Variants in SCAI observed in about 807,000 individuals in gnomAD.
The protein encoded by SCAI is suppressor of cancer cell invasion.
A neutral mutation model predicts 92.2 loss-of-function variants in SCAI; 24 were observed. The ratio of observed to expected loss-of-function variants is 0.26; its 90% CI spans 0.19 to 0.37. The LOEUF is 0.37. Ranked by LOEUF, SCAI falls within the 10% of genes least tolerant of loss-of-function variation. The pLI, the probability that SCAI is intolerant of heterozygous loss-of-function variation, is 1.00. For missense variants in SCAI, 450 were observed against 736.2 expected (o/e 0.61, Z 4.50); for synonymous variants, 261 against 258.6 (o/e 1.01, Z -0.09).
At chr9:124,965,816 T>C (rs926694116) in intron 17 of SCAI, among the ~76,000 whole-genome samples, 2 of 152,232 alleles carry the variant, frequency 1.3e-5, no homozygotes, top group Admixed American at 6.5e-5. Context: ...TTGGGAGCAC[T>C]TGAAGCATCA....
At chr9:125,013,678 A>C (rs886596507) in intron 9 of SCAI, among the ~76,000 whole-genome samples, 2 of 152,202 alleles carry the variant, frequency 1.3e-5, no homozygotes, top group African/African-American at 4.8e-5. Flanking sequence ...AACTCATTTT[A>C]TGAGGCCAGC....
chr9:125,005,982 C>T (rs1056007265), intron 9 of SCAI, among the ~76,000 whole-genome samples: 3 of 152,098 alleles, frequency 2.0e-5, no homozygotes, highest in Non-Finnish European at 4.4e-5. Context: ...ATTTGCATGG[C>T]TGAAAAATCT....
At chr9:125,047,010 G>T (rs1833456893) in intron 3 of SCAI, among the ~76,000 whole-genome samples, 2 of 152,050 alleles carry the variant, frequency 1.3e-5, no homozygotes, top group Admixed American at 1.3e-4. Context: ...CCCAACACAG[G>T]CAGAACAAAC....
At chr9:125,044,810 C>G (rs1833401988) in intron 3 of SCAI, among the ~76,000 whole-genome samples, 1 of 152,158 alleles carries the variant, frequency 6.6e-6, no homozygotes, top group Non-Finnish European at 1.5e-5. Flanking sequence ...GCTTGTGGTT[C>G]CTGGCATCTC....
At chr9:124,982,517 A>C (rs1025292316) in intron 14 of SCAI, among the ~76,000 whole-genome samples, 4 of 151,688 alleles carry the variant, frequency 2.6e-5, no homozygotes, top group Non-Finnish European at 5.9e-5. Flanking sequence ...ACTAAAAATA[A>C]AAAAATAAAA....
intron 2 of SCAI, among the ~76,000 whole-genome samples, chr9:125,063,496 A>C (rs1833816552): frequency 6.6e-6 from 1 of 152,192 alleles, no homozygotes; most frequent in African/African-American, 2.4e-5. Flanking sequence ...ATTTTAATGA[A>C]CTAAGTAATA....
At chr9:124,992,445 A>G (rs10819020) in intron 14 of SCAI, among the ~76,000 whole-genome samples, 93,384 of 150,780 alleles carry the variant, frequency 0.62, 29,214 homozygotes, top group Admixed American at 0.66. Flanking sequence ...GTGCAATGGC[A>G]CGATCTTGGC....
chr9:125,007,946 C>T (rs201603731), intron 9 of SCAI, among the ~76,000 whole-genome samples: 5 of 151,332 alleles, frequency 3.3e-5, no homozygotes, highest in Admixed American at 6.6e-5. Context: ...CCCGGGTTCA[C>T]GCCATTCTCC....
intron 2 of SCAI, among the ~76,000 whole-genome samples, chr9:125,102,747 G>A (rs553639419): frequency 2.6e-5 from 4 of 152,138 alleles, no homozygotes; most frequent in East Asian, 1.9e-4. Context: ...ACAGGACCCC[G>A]CAACCATGCC....
chr9:124,991,613 C>T (rs1296981442), intron 14 of SCAI, among the ~76,000 whole-genome samples: 10 of 151,530 alleles, frequency 6.6e-5, no homozygotes, highest in South Asian at 2.1e-4. Context: ...CTGAGGTGGG[C>T]GGATCACGAG....
chr9:125,062,007 C>T (rs1298664830), intron 2 of SCAI, among the ~76,000 whole-genome samples: 3 of 151,934 alleles, frequency 2.0e-5, no homozygotes, highest in Non-Finnish European at 4.4e-5. Flanking sequence ...AAATGTTAGT[C>T]TATTAATTGA....
chr9:125,004,270 A>G (rs1832426169), intron 9 of SCAI, among the ~76,000 whole-genome samples: 1 of 151,342 alleles, frequency 6.6e-6, no homozygotes, highest in Admixed American at 6.6e-5. Context: ...ACGTGTAGGT[A>G]GTGTGCTATG....
Position 125,073,092 on chromosome 9 carries a change from A to ATTTTTTTTTTT in SCAI, c.99-17096_99-17086dup, listed in dbSNP as rs764858681. ...GGATCATATGAGGATTCTATTTTTA[A>ATTTTTTTTTTT]TTTTTTTTTTTTTTTTTTTTTTTTT... On this transcript the variant is annotated intron_variant, in intron 2 of 17. Coordinates refer to ENST00000336505, the MANE Select transcript of SCAI (RefSeq NM_001144877.3). Among the ~76,000 whole-genome samples, 111 of 72,478 alleles carry ATTTTTTTTTTT rather than the reference A, an allele frequency of 1.5e-3. 14 individuals are homozygous for ATTTTTTTTTTT. Among genetic ancestry groups the ATTTTTTTTTTT allele is most frequent in the South Asian group, 3.5e-3 (7 of 1,982 alleles). The allele number at this position is 72,478 out of a possible 152,430, so 47.5% of individuals were successfully genotyped here.
At chr9:125,021,572 A>G (rs1832870968) in intron 6 of SCAI, among the ~76,000 whole-genome samples, 2 of 152,190 alleles carry the variant, frequency 1.3e-5, no homozygotes, top group South Asian at 4.1e-4. Flanking sequence ...TTATCTGTTC[A>G]CACATAACAC....
chr9:124,984,200 T>C (rs539952749), intron 14 of SCAI, among the ~76,000 whole-genome samples: 1 of 152,170 alleles, frequency 6.6e-6, no homozygotes, highest in African/African-American at 2.4e-5. Flanking sequence ...CTGCCTGATA[T>C]GTTTCAGGAA....
At chr9:125,071,302 G>A (rs891769983) in intron 2 of SCAI, among the ~76,000 whole-genome samples, 2 of 152,178 alleles carry the variant, frequency 1.3e-5, no homozygotes, top group African/African-American at 4.8e-5. Flanking sequence ...GGATGGCTGA[G>A]GTGGAAGGAT....
chr9:125,056,019 CAT>C lies in SCAI; in HGVS notation c.99-14_99-13del, dbSNP rs754549771. On this transcript the variant is annotated splice_polypyrimidine_tract_variant and intron_variant, in intron 2 of 17. Transcript: ENST00000336505. ...GAGCAAATTCAGTCCTGTAAGAAAA[CAT>C]ATGTTCATTCATGCAGGAGGTAAAA... The C allele has an allele frequency of 1.9e-6, 3 of 1,584,572 alleles. No homozygotes were observed. The highest frequency in any genetic ancestry group is 1.4e-5 in the African/African-American group (1 of 73,472).
chr9:125,032,994 T>C (rs921513804), intron 3 of SCAI, among the ~76,000 whole-genome samples: 5 of 152,180 alleles, frequency 3.3e-5, no homozygotes, highest in African/African-American at 9.7e-5. Flanking sequence ...CTTCAATTAA[T>C]AGGATTATTG....
At chr9:125,010,147 G>A (rs184922272) in intron 9 of SCAI, among the ~76,000 whole-genome samples, 52 of 152,356 alleles carry the variant, frequency 3.4e-4, no homozygotes, top group East Asian at 1.2e-3. Flanking sequence ...CTGAGGTACC[G>A]GGTTCATCTC....
Sources: gnomAD v4.1 joint callset for allele counts (sites outside exome capture counted in the v4.1 genomes callset) on GRCh38, gnomAD v4.1.1 for gene constraint, MANE v1.5 for transcripts, NCBI Gene and HGNC (gene_info 2026-07-23, HGNC 2026-07-21) for gene names.